The following ATP6V1E1 variants were observed in gnomAD, a reference collection of about 807,000 sequenced individuals.
ATP6V1E1 encodes the protein V-type proton ATPase subunit E 1.
ATP6V1E1 carries 21 observed loss-of-function variants against 35.2 expected under a neutral mutation model. The observed-to-expected ratio is 0.60, with a 90% CI of 0.42 to 0.86. The LOEUF is 0.86. Ranked by LOEUF, ATP6V1E1 falls within the 40% of genes least tolerant of loss-of-function variation. The probability of loss-of-function intolerance (pLI) is 0.00; values close to 1 mark genes in which losing one functional copy is unlikely to be tolerated. For missense variants in ATP6V1E1, 183 were observed against 272.6 expected, an observed-to-expected ratio of 0.67 and a Z score of 2.32; for synonymous variants, 83 against 87.8, an observed-to-expected ratio of 0.95 and a Z score of 0.30.
chr22:17,619,758 A>T (rs1483450838), intron 1 of ATP6V1E1, among the ~76,000 whole-genome samples: 1 of 152,186 alleles, frequency 6.6e-6, no homozygotes, highest in Non-Finnish European at 1.5e-5. Flanking sequence ...CTGAATGCAT[A>T]TTGTGCTAGG....
chr22:17,601,565 G>C (rs5992754), intron 4 of ATP6V1E1, among the ~76,000 whole-genome samples: 52,897 of 152,026 alleles, frequency 0.35, 9,537 homozygotes, highest in African/African-American at 0.41. Flanking sequence ...ATCGAAATAC[G>C]AACAGTCTAC....
intron 1 of ATP6V1E1, 146 bp downstream of exon 1, chr22:17,628,457 C>T (rs1383819920): frequency 8.7e-7 from 1 of 1,147,840 alleles, no homozygotes; most frequent in Non-Finnish European, 1.3e-6. Context: ...CGTCCTCAGG[C>T]CGACCTCTTG....
chr22:17,626,325 A>AAAAAAAAAAAAAAAAAG (rs1555864859), intron 1 of ATP6V1E1, among the ~76,000 whole-genome samples: 19 of 122,898 alleles, frequency 1.5e-4, no homozygotes, highest in Admixed American at 2.6e-4. Flanking sequence ...AAAAAAAAAA[A>AAAAAAAAAAAAAAAAAG]AAAGAAAGAA....
chr22:17,621,637 C>G (rs980564012), intron 1 of ATP6V1E1, among the ~76,000 whole-genome samples: 8 of 152,176 alleles, frequency 5.3e-5, no homozygotes, highest in Admixed American at 5.2e-4. Context: ...ACAAACCCTT[C>G]ACTACTCACC....
intron 2 of ATP6V1E1, among the ~76,000 whole-genome samples, chr22:17,613,706 G>A (rs1039746394): frequency 9.9e-5 from 15 of 152,214 alleles, no homozygotes; most frequent in Non-Finnish European, 7.3e-5. Context: ...GGTGGCTCAC[G>A]CCTATAATCC....
intron 6 of ATP6V1E1, among the ~76,000 whole-genome samples, chr22:17,599,237 C>T (rs937085981): frequency 3.3e-5 from 5 of 150,822 alleles, no homozygotes; most frequent in African/African-American, 1.2e-4. Context: ...TACTTAATGG[C>T]ACAATGTATG....
Position 17,594,531 on chromosome 22 carries a change from G to T in ATP6V1E1, c.616C>A (p.Gln206Lys). The T allele has an allele frequency of 6.3e-7, 1 of 1,580,692 alleles. No individual in the cohort carries two copies. Among genetic ancestry groups the T allele is most frequent in the Non-Finnish European group, 8.6e-7 (1 of 1,163,442 alleles). The change falls in exon 8 of 9, where the codon CAG becomes AAG. Residue 206 changes from glutamine (Q) to lysine (K), a missense_variant and splice_region_variant. Gln to Lys is a moderately conservative substitution (Grantham distance 53). Transcript: ENST00000253413. ...CCAAGAAGTACCCCCACACTCACCT[G>T]CTGGGCTATGAGATCCAGCCGGCTT... ...LESRLDLIAQ[Q>K]MMPEVRGALF...
chr22:17,628,779 C>CT (rs1160441099), upstream of ATP6V1E1: 10 of 1,077,170 alleles, frequency 9.3e-6, no homozygotes, highest in Non-Finnish European at 1.4e-5. Flanking sequence ...TGCCAGGTGA[C>CT]TGCACAGTTC....
At chr22:17,610,725 G>A (rs1313517191) in intron 4 of ATP6V1E1, among the ~76,000 whole-genome samples, 1 of 152,072 alleles carries the variant, frequency 6.6e-6, no homozygotes, top group Non-Finnish European at 1.5e-5. Flanking sequence ...TTTACTTTGG[G>A]CATAAATAAT....
In ATP6V1E1 at chr22:17,598,173, A is replaced by G. The variant is rs761533175; in HGVS notation, c.530+21T>C. ...CTCCCAGGGAGAGAAGGTAGCTGTT[A>G]GCAGCAGGAATACTCCTTACATGTC... On this transcript the variant is annotated intron_variant, in intron 7 of 8. Coordinates refer to ENST00000253413, the MANE Select transcript of ATP6V1E1 (RefSeq NM_001696.4). The G allele has an allele frequency of 2.5e-6, 4 of 1,579,946 alleles. No individual in the cohort carries two copies. In the African/African-American group the frequency reaches 4.0e-5, roughly 16 times the overall value.
chr22:17,626,147 A>C (rs931928976), intron 1 of ATP6V1E1, among the ~76,000 whole-genome samples: 13 of 151,650 alleles, frequency 8.6e-5, no homozygotes, highest in Non-Finnish European at 1.5e-4. Flanking sequence ...TCTAATAAAA[A>C]ATAGAAAAAA....
At chr22:17,592,858 A>G in intron 8 of ATP6V1E1, 122 bp from the exon 9 acceptor site, 1 of 859,468 alleles carries the variant, frequency 1.2e-6, no homozygotes, top group Non-Finnish European at 1.8e-6. Flanking sequence ...GCTGGAGTGC[A>G]GTGGCGCATC....
chr22:17,616,679 CAAA>C (rs374090230), intron 2 of ATP6V1E1, among the ~76,000 whole-genome samples: 1 of 52,654 alleles, frequency 1.9e-5, no homozygotes, highest in African/African-American at 7.5e-5. Context: ...AACTCCGGCT[CAAA>C]AAAAAAAAAA....
At chr22:17,620,326 T>C (rs1289286410) in intron 1 of ATP6V1E1, among the ~76,000 whole-genome samples, 1 of 151,948 alleles carries the variant, frequency 6.6e-6, no homozygotes, top group East Asian at 1.9e-4. Context: ...TTTTTGTATT[T>C]TTAGTAGAGA....
chr22:17,617,647 C>A (rs1196202212), intron 2 of ATP6V1E1, among the ~76,000 whole-genome samples: 2 of 151,868 alleles, frequency 1.3e-5, no homozygotes, highest in Non-Finnish European at 2.9e-5. Context: ...TATGATTATA[C>A]CTTGGGAAAA....
chr22:17,602,991 C>T (rs567461488), intron 4 of ATP6V1E1, among the ~76,000 whole-genome samples: 11 of 152,264 alleles, frequency 7.2e-5, no homozygotes, highest in African/African-American at 2.2e-4. Context: ...GAGTCTCGCT[C>T]TGTTGCCCAG....
At chr22:17,595,565 C>T (rs943690251) in intron 7 of ATP6V1E1, among the ~76,000 whole-genome samples, 1 of 152,198 alleles carries the variant, frequency 6.6e-6, no homozygotes, top group Non-Finnish European at 1.5e-5. Flanking sequence ...CGTGGTAGCT[C>T]ACCCCTGTAA....
intron 4 of ATP6V1E1, among the ~76,000 whole-genome samples, chr22:17,609,758 C>G (rs1368868932): frequency 6.6e-6 from 1 of 152,072 alleles, no homozygotes; most frequent in African/African-American, 2.4e-5. Flanking sequence ...TCTGAGCCAC[C>G]ACGCCCAGCC....
At chr22:17,616,212 G>A (rs2057843587) in intron 2 of ATP6V1E1, among the ~76,000 whole-genome samples, 1 of 152,100 alleles carries the variant, frequency 6.6e-6, no homozygotes, top group Admixed American at 6.6e-5. Flanking sequence ...GCTGGGCATG[G>A]TGGCAGGGAC....
Sources: allele counts gnomAD v4.1 joint callset (sites outside exome capture counted in the v4.1 genomes callset), GRCh38; gene constraint gnomAD v4.1.1; transcripts MANE v1.5; gene names NCBI Gene and HGNC (gene_info 2026-07-23, HGNC 2026-07-21).